Variants in TEKT5 observed in about 807,000 individuals in gnomAD.
The protein encoded by TEKT5 is tektin-5.
In TEKT5, 52 loss-of-function variants were observed where a neutral mutation model predicts 48.7. That is an observed-to-expected ratio of 1.07 (90% CI 0.86 to 1.35). The LOEUF (loss-of-function observed/expected upper bound fraction) is 1.35, where lower values mean the gene tolerates loss of function less well. Ranked by LOEUF, TEKT5 falls within the 40% of genes most tolerant of loss-of-function variation. The pLI is 0.00. For synonymous variants in TEKT5, 318 were observed against 267.6 expected (o/e 1.19, Z -1.84); for missense variants, 831 against 641.6 (o/e 1.30, Z -3.19).
At chr16:10,681,544 C>A (rs1306437316) in intron 4 of TEKT5, among the ~76,000 whole-genome samples, 2 of 152,106 alleles carry the variant, frequency 1.3e-5, no homozygotes, top group Non-Finnish European at 2.9e-5. Context: ...ACCACCCCGC[C>A]ACCAGCCGAC....
intron 5 of TEKT5, among the ~76,000 whole-genome samples, chr16:10,636,168 G>A (rs983547966): frequency 1.6e-4 from 25 of 152,104 alleles, no homozygotes; most frequent in Non-Finnish European, 2.4e-4. Context: ...TGAGGTCAGG[G>A]GTTCTAGATC....
At chr16:10,681,423 AAACTCCTGG>A (rs1450531388) in intron 4 of TEKT5, among the ~76,000 whole-genome samples, 2 of 150,714 alleles carry the variant, frequency 1.3e-5, no homozygotes, top group East Asian at 3.9e-4. Flanking sequence ...CTGGTCTGGA[AAACTCCTGG>A]AACTCCTGGC....
At chr16:10,655,792 G>A (rs1313812255) in intron 5 of TEKT5, among the ~76,000 whole-genome samples, 2 of 152,184 alleles carry the variant, frequency 1.3e-5, no homozygotes, top group Non-Finnish European at 2.9e-5. Flanking sequence ...AGGTCTAAGT[G>A]TGAAAAATAA....
At chr16:10,691,821 G>A (rs1033006491) in intron 1 of TEKT5, among the ~76,000 whole-genome samples, 10 of 151,902 alleles carry the variant, frequency 6.6e-5, no homozygotes, top group South Asian at 2.1e-4. Flanking sequence ...AGTGGCGGGC[G>A]CCTGTAGTCC....
intron 5 of TEKT5, among the ~76,000 whole-genome samples, chr16:10,663,310 G>A (rs527256364): frequency 6.6e-6 from 1 of 152,144 alleles, no homozygotes; most frequent in African/African-American, 2.4e-5. Context: ...AGCCTCTAAG[G>A]CCAAGAAATT....
At chr16:10,645,017 G>A (rs370346958) in intron 5 of TEKT5, among the ~76,000 whole-genome samples, 182 of 152,284 alleles carry the variant, frequency 1.2e-3, no homozygotes, top group African/African-American at 4.0e-3. Flanking sequence ...TACAAAGGCT[G>A]TCTACAACCC....
chr16:10,639,785 G>GA (rs1897964554), intron 5 of TEKT5, among the ~76,000 whole-genome samples: 1 of 152,320 alleles, frequency 6.6e-6, no homozygotes, highest in South Asian at 2.1e-4. Context: ...CTGGTTCACA[G>GA]CAGGGTAGGT....
intron 4 of TEKT5, among the ~76,000 whole-genome samples, chr16:10,676,552 G>C (rs1898650653): frequency 6.6e-6 from 1 of 152,104 alleles, no homozygotes; most frequent in Non-Finnish European, 1.5e-5. Context: ...GTCAAAGAGA[G>C]GGGCTCCCGC....
chr16:10,680,050 G>A (rs1414142047), intron 4 of TEKT5, among the ~76,000 whole-genome samples: 1 of 152,260 alleles, frequency 6.6e-6, no homozygotes, highest in Non-Finnish European at 1.5e-5. Context: ...CCTCCTGGGT[G>A]TGGAAATTGG....
chr16:10,666,402 C>G (rs1282571499), intron 5 of TEKT5, among the ~76,000 whole-genome samples: 2 of 152,156 alleles, frequency 1.3e-5, no homozygotes. Context: ...ACATTCAGGC[C>G]CAAACATTCT....
At chr16:10,690,889 G>C (rs1298326605) in intron 1 of TEKT5, 2 of 670,650 alleles carry the variant, frequency 3.0e-6, no homozygotes, top group Non-Finnish European at 3.7e-6. Flanking sequence ...TGAGAACTCA[G>C]AAATGGGAGG....
intron 3 of TEKT5, among the ~76,000 whole-genome samples, chr16:10,686,553 C>A (rs1898865184): frequency 6.6e-6 from 1 of 151,958 alleles, no homozygotes; most frequent in South Asian, 2.1e-4. Context: ...TGACATTGGT[C>A]TGGACAACGA....
chr16:10,648,768 C>T (rs575890554), intron 5 of TEKT5, among the ~76,000 whole-genome samples: 2 of 152,354 alleles, frequency 1.3e-5, no homozygotes, highest in South Asian at 4.1e-4. Context: ...CCTTGGCCAT[C>T]TTGCATGGTT....
At chr16:10,686,067 T>C (rs867905017) in intron 3 of TEKT5, among the ~76,000 whole-genome samples, 3 of 152,248 alleles carry the variant, frequency 2.0e-5, no homozygotes, top group African/African-American at 7.2e-5. Context: ...AACCATTCTC[T>C]CTTGCCATAA....
chr16:10,633,333 C>A (rs961477398), intron 6 of TEKT5, among the ~76,000 whole-genome samples: 4 of 152,020 alleles, frequency 2.6e-5, no homozygotes, highest in African/African-American at 9.7e-5. Flanking sequence ...TGCACTCCAG[C>A]CTGGGCAACA....
chr16:10,663,694 C>T (rs537147681), intron 5 of TEKT5, among the ~76,000 whole-genome samples: 1 of 152,276 alleles, frequency 6.6e-6, no homozygotes, highest in South Asian at 2.1e-4. Flanking sequence ...TGGGGGCTGT[C>T]CTGTGCATTG....
chr16:10,652,705 A>C (rs1898183616), intron 5 of TEKT5, among the ~76,000 whole-genome samples: 5 of 89,410 alleles, frequency 5.6e-5, no homozygotes, highest in African/African-American at 1.1e-4. Context: ...ACACACACAC[A>C]CACACACACA....
intron 3 of TEKT5, among the ~76,000 whole-genome samples, chr16:10,686,173 C>A (rs1898859036): frequency 6.6e-6 from 1 of 152,148 alleles, no homozygotes; most frequent in South Asian, 2.1e-4. Context: ...AGCAAAGATG[C>A]CAAGAACATA....
intron 5 of TEKT5, among the ~76,000 whole-genome samples, chr16:10,638,113 G>T (rs1387824828): frequency 6.6e-6 from 1 of 152,114 alleles, no homozygotes; most frequent in South Asian, 2.1e-4. Context: ...CACCTGGTGG[G>T]AGTCTTTTAT....
Sources: gnomAD v4.1 joint callset for allele counts (sites outside exome capture counted in the v4.1 genomes callset) on GRCh38, gnomAD v4.1.1 for gene constraint, MANE v1.5 for transcripts, NCBI Gene and HGNC (gene_info 2026-07-23, HGNC 2026-07-21) for gene names.